EPB41L2: variants seen among roughly 807,000 people sequenced by gnomAD.
EPB41L2 encodes erythrocyte membrane protein band 4.1 like 2, also known as band 4.1-like protein 2.
A neutral mutation model predicts 113.0 loss-of-function variants in EPB41L2; 43 were observed. That is an observed-to-expected ratio of 0.38 (90% CI 0.30 to 0.49). The LOEUF (loss-of-function observed/expected upper bound fraction) is 0.49, where lower values mean the gene tolerates loss of function less well. EPB41L2 is among the 20% of genes least tolerant of loss of function. EPB41L2 has a pLI of 0.95. For synonymous variants in EPB41L2, 442 were observed against 436.7 expected, an observed-to-expected ratio of 1.01 and a Z score of -0.15; for missense variants, 1,147 against 1,223.4, an observed-to-expected ratio of 0.94 and a Z score of 0.93.
chr6:131,015,138 TAAACA>T (rs1787908202), intron 1 of EPB41L2: 1 of 152,172 alleles, frequency 6.6e-6, no homozygotes, highest in Admixed American at 6.5e-5. Flanking sequence ...TTCATCTCCA[TAAACA>T]AAACAGAATA....
intron 1 of EPB41L2, among the ~76,000 whole-genome samples, chr6:131,023,760 T>G (rs1379725506): frequency 1.9e-4 from 15 of 78,632 alleles, no homozygotes; most frequent in South Asian, 9.2e-4. Context: ...TATATAGATA[T>G]ATAGATATAT....
intron 3 of EPB41L2, among the ~76,000 whole-genome samples, chr6:130,945,067 T>C (rs976592117): frequency 1.3e-5 from 2 of 152,204 alleles, no homozygotes; most frequent in African/African-American, 4.8e-5. Flanking sequence ...TTGCACATAA[T>C]ACATGCCCAT....
chr6:130,859,951 G>C (rs1285867517), intron 18 of EPB41L2, among the ~76,000 whole-genome samples: 2 of 152,188 alleles, frequency 1.3e-5, no homozygotes, highest in Non-Finnish European at 2.9e-5. Flanking sequence ...AGAGTGAATG[G>C]CTGGAGGGCT....
At chr6:130,861,201 TA>T (rs1222888864) in intron 18 of EPB41L2, among the ~76,000 whole-genome samples, 1 of 151,964 alleles carries the variant, frequency 6.6e-6, no homozygotes, top group Non-Finnish European at 1.5e-5. Flanking sequence ...GCCTCCCAAG[TA>T]GCTGCAACTA....
At chr6:130,852,363 T>C (rs1336428963) in intron 19 of EPB41L2, among the ~76,000 whole-genome samples, 3 of 152,226 alleles carry the variant, frequency 2.0e-5, no homozygotes, top group East Asian at 3.8e-4. Flanking sequence ...TGGGGCCTTA[T>C]AGATTCATTT....
At chr6:130,893,228 T>C (rs921550704) in intron 10 of EPB41L2, among the ~76,000 whole-genome samples, 1 of 152,106 alleles carries the variant, frequency 6.6e-6, no homozygotes, top group Admixed American at 6.6e-5. Context: ...AACCTAAAGG[T>C]ACCCACTAGG....
rs984514079 is a variant in EPB41L2 at position 130,968,470 on chromosome 6, T to C, written c.-14-11971A>G. Reference sequence around the variant, plus strand: ...CCGTTAGTTCTTCTGCCATTTTAAGTAATTATAGCACTACTAAAGAGTTCT... The same window carrying C: ...CCGTTAGTTCTTCTGCCATTTTAAGCAATTATAGCACTACTAAAGAGTTCT... On this transcript the variant is annotated intron_variant, in intron 1 of 19. Coordinates refer to ENST00000337057, the MANE Select transcript of EPB41L2 (RefSeq NM_001431.4). Among the ~76,000 whole-genome samples the C allele has an allele frequency of 3.9e-5, 6 of 152,244 alleles. No individual in the cohort carries two copies. In the South Asian group the frequency reaches 8.3e-4, roughly 21 times the overall value.
intron 11 of EPB41L2, among the ~76,000 whole-genome samples, chr6:130,886,690 G>A (rs1185282914): frequency 5.9e-5 from 9 of 152,264 alleles, no homozygotes; most frequent in East Asian, 1.9e-4. Flanking sequence ...CTGGAGTGCA[G>A]TGGTGCAATC....
At chr6:130,875,394 A>G (rs1787182606) in intron 14 of EPB41L2, among the ~76,000 whole-genome samples, 1 of 152,188 alleles carries the variant, frequency 6.6e-6, no homozygotes, top group Non-Finnish European at 1.5e-5. Flanking sequence ...CCAAACTGTT[A>G]GCATGGCCTT....
At chr6:131,053,156 A>G (rs1272754526) in intron 1 of EPB41L2, among the ~76,000 whole-genome samples, 1 of 152,100 alleles carries the variant, frequency 6.6e-6, no homozygotes, top group Non-Finnish European at 1.5e-5. Context: ...TCGGCCTCCC[A>G]AAGTGCTGGG....
At chr6:130,991,410 AT>A (rs1446452668) in intron 1 of EPB41L2, among the ~76,000 whole-genome samples, 2 of 152,130 alleles carry the variant, frequency 1.3e-5, no homozygotes, top group Non-Finnish European at 2.9e-5. Context: ...TCCCAATCAT[AT>A]TCTTATTTAA....
chr6:131,009,883 G>A (rs954255552), intron 1 of EPB41L2, among the ~76,000 whole-genome samples: 7 of 152,056 alleles, frequency 4.6e-5, no homozygotes, highest in African/African-American at 1.2e-4. Context: ...TTCTGCCACC[G>A]TAATCACTGA....
chr6:130,857,747 G>C (rs1195203434), intron 19 of EPB41L2, among the ~76,000 whole-genome samples: 1 of 151,746 alleles, frequency 6.6e-6, no homozygotes, highest in African/African-American at 2.4e-5. Flanking sequence ...AGTAGAGATA[G>C]GTGGAATCAG....
intron 4 of EPB41L2, among the ~76,000 whole-genome samples, chr6:130,916,013 G>C (rs1352366474): frequency 6.6e-6 from 1 of 152,178 alleles, no homozygotes; most frequent in Non-Finnish European, 1.5e-5. Flanking sequence ...TCCAATTTTA[G>C]ATTACTATTT....
chr6:130,901,146 C>A lies in EPB41L2; in HGVS notation c.964G>T (p.Ala322Ser), dbSNP rs1489925865. The A allele has an allele frequency of 3.1e-6, 5 of 1,613,770 alleles. No individual in the cohort carries two copies. In the Admixed American group the frequency reaches 5.0e-5, roughly 16 times the overall value. The change falls in exon 7 of 20, where the codon GCC becomes TCC. Residue 322 changes from alanine to serine, a missense_variant. Transcript: ENST00000337057. ...AAAGAGCAGGGCAGGCGGCCAGAGG[C>A]AATGTCCTGCCGGAGCTGAAGGCAC... is the stretch of plus-strand genomic sequence containing the variant. Reference protein sequence around the residue: ...FLCLQLRQDIASGRLPCSFVT... With the variant: ...FLCLQLRQDISSGRLPCSFVT...
chr6:131,038,017 C>A (rs1054517995), intron 1 of EPB41L2, among the ~76,000 whole-genome samples: 1 of 152,070 alleles, frequency 6.6e-6, no homozygotes, highest in East Asian at 1.9e-4. Flanking sequence ...TGTGTATATA[C>A]ATACAAAAAT....
intron 16 of EPB41L2, chr6:130,865,884 C>T: frequency 2.4e-6 from 1 of 408,494 alleles, no homozygotes; most frequent in Non-Finnish European, 4.4e-6. Flanking sequence ...GTAGGTGGGA[C>T]TGAAAGCTAC....
chr6:130,907,976 A>T (rs1382581285), intron 5 of EPB41L2, among the ~76,000 whole-genome samples: 2 of 152,190 alleles, frequency 1.3e-5, no homozygotes, highest in Non-Finnish European at 2.9e-5. Context: ...CAGCCTTCAG[A>T]TTTTATTCTC....
intron 1 of EPB41L2, among the ~76,000 whole-genome samples, chr6:131,029,391 T>TAA (rs757528439): frequency 0.037 from 4,379 of 119,200 alleles, 302 homozygotes; most frequent in African/African-American, 0.13. Flanking sequence ...AGCATTTGTT[T>TAA]AAAAAAAAAA....
Sources: gnomAD v4.1 joint callset for allele counts (sites outside exome capture counted in the v4.1 genomes callset) on GRCh38, gnomAD v4.1.1 for gene constraint, MANE v1.5 for transcripts, NCBI Gene and HGNC (gene_info 2026-07-23, HGNC 2026-07-21) for gene names.